The following NRG3 variants were observed in gnomAD, a reference collection of about 807,000 sequenced individuals.
NRG3 encodes the protein neuregulin 3, also known as pro-neuregulin-3, membrane-bound isoform.
A neutral mutation model predicts 66.9 loss-of-function variants in NRG3; 31 were observed. The observed-to-expected ratio is 0.46, with a 90% CI of 0.35 to 0.63. The LOEUF (loss-of-function observed/expected upper bound fraction) is 0.63. NRG3 is among the 20% of genes least tolerant of loss of function. The pLI is 0.00. For missense variants in NRG3, 910 were observed against 878.9 expected (o/e 1.04, Z -0.45); for synonymous variants, 393 against 359.4 (o/e 1.09, Z -1.06).
At chr10:82,648,132 T>C (rs895763319) in intron 2 of NRG3, among the ~76,000 whole-genome samples, 1 of 151,878 alleles carries the variant, frequency 6.6e-6, no homozygotes, top group African/African-American at 2.4e-5. Context: ...GTTTTTATGG[T>C]TTTAGGTCTA....
intron 2 of NRG3, among the ~76,000 whole-genome samples, chr10:82,379,035 G>A (rs1462461745): frequency 2.6e-5 from 4 of 152,126 alleles, no homozygotes; most frequent in Non-Finnish European, 5.9e-5. Context: ...GGCGCAGGCA[G>A]CCATTTCCCC....
At chr10:82,161,316 G>A (rs1176142008) in intron 1 of NRG3, among the ~76,000 whole-genome samples, 1 of 152,072 alleles carries the variant, frequency 6.6e-6, no homozygotes. Flanking sequence ...CTATTGCAGG[G>A]TGCACTGTTC....
chr10:82,066,581 T>C (rs2064482304), intron 1 of NRG3, among the ~76,000 whole-genome samples: 1 of 152,208 alleles, frequency 6.6e-6, no homozygotes, highest in South Asian at 2.1e-4. Context: ...ATACTAAGCT[T>C]TGTGGACTAT....
intron 2 of NRG3, among the ~76,000 whole-genome samples, chr10:82,736,816 T>G (rs1201117289): frequency 4.6e-5 from 7 of 152,232 alleles, no homozygotes; most frequent in Admixed American, 4.6e-4. Context: ...GATATTCCTC[T>G]TATATTAAAT....
chr10:82,743,329 G>A (rs1183239042), intron 3 of NRG3, among the ~76,000 whole-genome samples: 1 of 152,106 alleles, frequency 6.6e-6, no homozygotes, highest in Non-Finnish European at 1.5e-5. Flanking sequence ...AACAGGCTCT[G>A]TTCTCAAAGC....
intron 2 of NRG3, among the ~76,000 whole-genome samples, chr10:82,365,822 T>C (rs2084484530): frequency 6.6e-6 from 1 of 152,220 alleles, no homozygotes; most frequent in African/African-American, 2.4e-5. Context: ...AAAGATTACT[T>C]TATTTTAATG....
chr10:82,219,709 C>T (rs1220784850), intron 1 of NRG3, among the ~76,000 whole-genome samples: 1 of 151,960 alleles, frequency 6.6e-6, no homozygotes, highest in Non-Finnish European at 1.5e-5. Context: ...CTTATCTCGC[C>T]AAATAGTGTA....
intron 1 of NRG3, among the ~76,000 whole-genome samples, chr10:82,215,664 C>G (rs1003523834): frequency 2.0e-5 from 3 of 148,592 alleles, no homozygotes; most frequent in Non-Finnish European, 3.0e-5. Context: ...TTATACATCC[C>G]AACTTGTATC....
At chr10:82,677,516 A>G (rs1223377733) in intron 2 of NRG3, among the ~76,000 whole-genome samples, 6 of 152,042 alleles carry the variant, frequency 3.9e-5, no homozygotes, top group Non-Finnish European at 8.8e-5. Context: ...CTTTTTTCTC[A>G]TCTTTCTCTG....
At chr10:82,791,620 C>T (rs543495530) in intron 3 of NRG3, among the ~76,000 whole-genome samples, 1 of 152,238 alleles carries the variant, frequency 6.6e-6, no homozygotes, top group Admixed American at 6.5e-5. Context: ...TACCCTTGTG[C>T]ACAACTCTGT....
At chr10:82,266,462 G>A (rs779289167) in intron 1 of NRG3, among the ~76,000 whole-genome samples, 3 of 152,152 alleles carry the variant, frequency 2.0e-5, no homozygotes, top group Admixed American at 2.0e-4. Flanking sequence ...GGGAAGACAA[G>A]CCTCAATAAC....
At chr10:82,321,591 C>T (rs1180501123) in intron 1 of NRG3, among the ~76,000 whole-genome samples, 1 of 152,110 alleles carries the variant, frequency 6.6e-6, no homozygotes, top group African/African-American at 2.4e-5. Context: ...TAGTGATCCC[C>T]TGGTTTTGGG....
At chr10:82,686,653 A>G (rs1476045231) in intron 2 of NRG3, among the ~76,000 whole-genome samples, 1 of 152,190 alleles carries the variant, frequency 6.6e-6, no homozygotes, top group Non-Finnish European at 1.5e-5. Context: ...GCAGTCATAT[A>G]CGCAGTCTGT....
At chr10:82,874,254 C>CT (rs1342297888) in intron 4 of NRG3, among the ~76,000 whole-genome samples, 3 of 151,902 alleles carry the variant, frequency 2.0e-5, no homozygotes, top group Non-Finnish European at 4.4e-5. Context: ...AGGAAGTGGG[C>CT]TTTTTTCTTC....
intron 1 of NRG3, among the ~76,000 whole-genome samples, chr10:81,995,574 C>G (rs368578733): frequency 6.6e-6 from 1 of 152,216 alleles, no homozygotes; most frequent in Admixed American, 6.5e-5. Context: ...TGATTACTTA[C>G]TGATGGAAAA....
chr10:82,072,180 T>C (rs12252687), intron 1 of NRG3, among the ~76,000 whole-genome samples: 4,024 of 152,284 alleles, frequency 0.026, 174 homozygotes, highest in African/African-American at 0.092. Context: ...AGTACTTACT[T>C]TTCTCACCTA....
At chr10:82,294,455 GT>G (rs2079936937) in intron 1 of NRG3, among the ~76,000 whole-genome samples, 1 of 151,602 alleles carries the variant, frequency 6.6e-6, no homozygotes, top group African/African-American at 2.4e-5. Context: ...GTGTGTGTGT[GT>G]GTGTGTGTAT....
chr10:82,833,087 C>A (rs2062607519), intron 3 of NRG3, among the ~76,000 whole-genome samples: 1 of 152,040 alleles, frequency 6.6e-6, no homozygotes, highest in South Asian at 2.1e-4. Flanking sequence ...GGATGCCATT[C>A]TATTAGAAAG....
intron 2 of NRG3, among the ~76,000 whole-genome samples, chr10:82,365,339 T>C (rs2084454670): frequency 6.6e-6 from 1 of 152,178 alleles, no homozygotes; most frequent in Non-Finnish European, 1.5e-5. Flanking sequence ...TGCAGAGTGG[T>C]GTTAATAACA....
Sources: allele counts gnomAD v4.1 joint callset (sites outside exome capture counted in the v4.1 genomes callset), GRCh38; gene constraint gnomAD v4.1.1; transcripts MANE v1.5; gene names NCBI Gene and HGNC (gene_info 2026-07-23, HGNC 2026-07-21).